The following HNRNPF variants were observed in gnomAD, a reference collection of about 807,000 sequenced individuals.
HNRNPF encodes HnRNP F protein.
In HNRNPF, 2 loss-of-function variants were observed where a neutral mutation model predicts 26.0. The observed-to-expected ratio is 0.08, with a 90% CI of 0.03 to 0.24. HNRNPF has a LOEUF of 0.24. Ranked by LOEUF, HNRNPF falls within the 10% of genes least tolerant of loss-of-function variation. HNRNPF has a pLI of 1.00. For missense variants in HNRNPF, 299 were observed against 539.2 expected, an observed-to-expected ratio of 0.55 and a Z score of 4.41; for synonymous variants, 234 against 211.5, an observed-to-expected ratio of 1.11 and a Z score of -0.92.
At chr10:43,397,609 T>C (rs1838598015) in intron 1 of HNRNPF, among the ~76,000 whole-genome samples, 1 of 152,170 alleles carries the variant, frequency 6.6e-6, no homozygotes, top group African/African-American at 2.4e-5. Flanking sequence ...GGTTTGTACA[T>C]TTGACCATGG....
At chr10:43,392,278 C>T (rs1379000204) in intron 3 of HNRNPF, among the ~76,000 whole-genome samples, 2 of 152,236 alleles carry the variant, frequency 1.3e-5, no homozygotes, top group Non-Finnish European at 2.9e-5. Context: ...CAGTGCCTCA[C>T]ACCTGTAATC....
intron 1 of HNRNPF, chr10:43,407,793 G>A (rs889751751): frequency 7.2e-5 from 11 of 152,238 alleles, no homozygotes; most frequent in East Asian, 1.9e-4. Context: ...AAGGGCCCGG[G>A]GCCGAGAGCT....
rs370401905 is a variant in HNRNPF, at chr10:43,390,669, T to G, written c.-52-2733A>C. On this transcript the variant is annotated intron_variant, in intron 3 of 3. Coordinates refer to ENST00000682386, the MANE Select transcript of HNRNPF (RefSeq NM_001098204.2). ...ACATGGAATTCATTCAATGAACTTCTTAACTGTACGCGCCCAGTAAAACCA... is the reference window on the plus strand; with the variant it reads ...ACATGGAATTCATTCAATGAACTTCGTAACTGTACGCGCCCAGTAAAACCA... 9.2e-5 allele frequency among the ~76,000 whole-genome samples: 14 copies of G among 152,340 alleles called. No homozygotes were observed. The East Asian group carries it at 2.7e-3, about 29-fold the overall frequency.
intron 3 of HNRNPF, among the ~76,000 whole-genome samples, chr10:43,393,041 T>C: frequency 6.6e-6 from 1 of 152,226 alleles, no homozygotes; most frequent in East Asian, 1.9e-4. Context: ...CTCAACTCCC[T>C]TGGGTGATCC....
At chr10:43,395,103 C>A (rs1465288893) in intron 2 of HNRNPF, among the ~76,000 whole-genome samples, 1 of 151,192 alleles carries the variant, frequency 6.6e-6, no homozygotes, top group African/African-American at 2.5e-5. Flanking sequence ...CACTGAGGAC[C>A]CTAAGTGCTG....
At chr10:43,390,370 C>T (rs888717962) in intron 3 of HNRNPF, among the ~76,000 whole-genome samples, 2 of 152,164 alleles carry the variant, frequency 1.3e-5, no homozygotes, top group African/African-American at 4.8e-5. Flanking sequence ...AGGCCTCCCT[C>T]GAGTTCTGTT....
At chr10:43,395,896 C>T (rs371110120) in intron 2 of HNRNPF, among the ~76,000 whole-genome samples, 1 of 152,166 alleles carries the variant, frequency 6.6e-6, no homozygotes, top group African/African-American at 2.4e-5. Flanking sequence ...CACTGCGCAC[C>T]GCCAACGCAC....
intron 1 of HNRNPF, among the ~76,000 whole-genome samples, chr10:43,404,081 G>T (rs1016486618): frequency 2.2e-4 from 33 of 152,136 alleles, no homozygotes; most frequent in African/African-American, 7.9e-4. Context: ...TGGATCACTT[G>T]AGGTCAGGAG....
At chr10:43,398,097 G>A (rs182799531) in intron 1 of HNRNPF, among the ~76,000 whole-genome samples, 119 of 152,176 alleles carry the variant, frequency 7.8e-4, no homozygotes, top group African/African-American at 2.6e-3. Context: ...GCATGATCTT[G>A]GCTCACTGCA....
At chr10:43,403,401 A>G (rs1838813450) in intron 1 of HNRNPF, among the ~76,000 whole-genome samples, 1 of 152,148 alleles carries the variant, frequency 6.6e-6, no homozygotes, top group South Asian at 2.1e-4. Context: ...AAATTTTTAC[A>G]CTTACATCTA....
At chr10:43,391,439 C>T (rs1838242775) in intron 3 of HNRNPF, among the ~76,000 whole-genome samples, 2 of 151,348 alleles carry the variant, frequency 1.3e-5, no homozygotes, top group South Asian at 2.1e-4. Context: ...GCCCGGGTGA[C>T]GGAGCGAGAC....
At chr10:43,389,923 T>G (rs1347233370) in intron 3 of HNRNPF, among the ~76,000 whole-genome samples, 1 of 152,186 alleles carries the variant, frequency 6.6e-6, no homozygotes, top group Non-Finnish European at 1.5e-5. Flanking sequence ...TCAACTTTTA[T>G]AAAATAATCC....
In HNRNPF at chr10:43,387,077, C is replaced by T. The variant is rs759602508; in HGVS notation, c.808G>A (p.Gly270Arg). Residue 270 changes from glycine (G) to arginine (R), a missense_variant, in exon 4 of 4, where the codon GGA (glycine) becomes AGA (arginine). Around this residue, in one of 6 missense-constraint regions of HNRNPF, gnomAD observed 74 missense variants for 77.7 expected, o/e 0.95. Transcript: ENST00000682386. This position sits in a 1 kb window ranked among gnomAD's most constrained non-coding sequence, Gnocchi z 6.0. ...TCGCCGTATCTGTGGTCATACATTC[C>T]GGAGAGACAGTAGCTGAGGTCTCTC... is the stretch of plus-strand genomic sequence containing the variant. ...FGRDLSYCLS[G>R]MYDHRYGDSE... 111 of 1,612,914 alleles carry T rather than the reference C, an allele frequency of 6.9e-5. No individual in the cohort carries two copies. Among genetic ancestry groups the T allele is most frequent in the Non-Finnish European group, 9.2e-5 (109 of 1,180,018 alleles).
chr10:43,404,843 A>G (rs927658928), intron 1 of HNRNPF, among the ~76,000 whole-genome samples: 3 of 152,154 alleles, frequency 2.0e-5, no homozygotes, highest in Non-Finnish European at 2.9e-5. Context: ...ATAAAACCAA[A>G]ACCAAAAACT....
chr10:43,402,148 T>G (rs1266197850), intron 1 of HNRNPF, among the ~76,000 whole-genome samples: 1 of 152,106 alleles, frequency 6.6e-6, no homozygotes, highest in Non-Finnish European at 1.5e-5. Context: ...TTTCTGGAAC[T>G]AAAACTGAGT....
chr10:43,406,482 A>G lies in HNRNPF; in HGVS notation c.-247+2649T>C, dbSNP rs117536153. 1.6e-4 allele frequency among the ~76,000 whole-genome samples: 24 copies of G among 152,272 alleles called. No homozygotes were observed. The East Asian group carries it at 4.5e-3, about 28-fold the overall frequency. Reference sequence around the variant, plus strand: ...GCAGAGGCGTGAGAATCGCTTGAGCACAAAAGTTTGAAAATCAATCTGGGC... The same window carrying G: ...GCAGAGGCGTGAGAATCGCTTGAGCGCAAAAGTTTGAAAATCAATCTGGGC... On this transcript the variant is annotated intron_variant, in intron 1 of 3. Transcript: ENST00000682386.
At chr10:43,390,247 G>A (rs914519022) in intron 3 of HNRNPF, among the ~76,000 whole-genome samples, 1 of 152,188 alleles carries the variant, frequency 6.6e-6, no homozygotes, top group Admixed American at 6.5e-5. Flanking sequence ...TCAATTACAG[G>A]TGGGGGCTTC....
At chr10:43,406,953 G>A (rs755525929) in intron 1 of HNRNPF, among the ~76,000 whole-genome samples, 1 of 152,124 alleles carries the variant, frequency 6.6e-6, no homozygotes. Context: ...AATTCTGTGA[G>A]AGCAACGAGT....
chr10:43,407,099 T>A (rs1838944734), intron 1 of HNRNPF, among the ~76,000 whole-genome samples: 1 of 152,074 alleles, frequency 6.6e-6, no homozygotes, highest in African/African-American at 2.4e-5. Flanking sequence ...ATTATATGCG[T>A]GTATTTTTGG....
Sources: gnomAD v4.1 joint callset for allele counts (sites outside exome capture counted in the v4.1 genomes callset) on GRCh38, gnomAD v4.1.1 for gene constraint, gnomAD v4.1.1 regional missense constraint, Gnocchi (gnomAD v3.1) non-coding constraint, MANE v1.5 for transcripts, NCBI Gene and HGNC (gene_info 2026-07-23, HGNC 2026-07-21) for gene names.